The following SPOCK1 variants were observed in gnomAD, a reference collection of about 807,000 sequenced individuals.
SPOCK1 encodes the protein SPARC (osteonectin), cwcv and kazal like domains proteoglycan 1.
A neutral mutation model predicts 55.3 loss-of-function variants in SPOCK1; 23 were observed. The ratio of observed to expected loss-of-function variants is 0.42; its 90% CI spans 0.30 to 0.59. The LOEUF (loss-of-function observed/expected upper bound fraction) is 0.59. Ranked by LOEUF, SPOCK1 falls within the 20% of genes least tolerant of loss-of-function variation. The pLI is 0.22. For missense variants in SPOCK1, 499 were observed against 552.5 expected (o/e 0.90, Z 0.97); for synonymous variants, 226 against 221.0 (o/e 1.02, Z -0.20).
chr5:137,184,219 C>T (rs73304842), intron 3 of SPOCK1, among the ~76,000 whole-genome samples: 3,230 of 152,302 alleles, frequency 0.021, 121 homozygotes, highest in African/African-American at 0.073. Context: ...GGGCATACGG[C>T]TCTGTTTAAG....
At chr5:137,329,157 G>C (rs1288519638) in intron 2 of SPOCK1, among the ~76,000 whole-genome samples, 7 of 152,138 alleles carry the variant, frequency 4.6e-5, no homozygotes, top group Admixed American at 1.3e-4. Flanking sequence ...GAACAAAAAG[G>C]CTAGGGAAGA....
At chr5:137,131,481 G>T (rs906695607) in intron 4 of SPOCK1, among the ~76,000 whole-genome samples, 9 of 151,976 alleles carry the variant, frequency 5.9e-5, no homozygotes, top group African/African-American at 2.2e-4. Flanking sequence ...GGTGGCACAT[G>T]CCTGTAGTTC....
At chr5:137,475,350 A>C (rs1259032930) in intron 2 of SPOCK1, among the ~76,000 whole-genome samples, 1 of 152,190 alleles carries the variant, frequency 6.6e-6, no homozygotes, top group Non-Finnish European at 1.5e-5. Flanking sequence ...GTGACATAAC[A>C]ACCAAATTCA....
chr5:137,174,099 C>T (rs575298623), intron 3 of SPOCK1, among the ~76,000 whole-genome samples: 4 of 152,308 alleles, frequency 2.6e-5, no homozygotes, highest in Middle Eastern at 3.4e-3. Context: ...CTCTCACATA[C>T]ATTATTGTGG....
At chr5:137,298,154 T>C (rs1757523174) in intron 2 of SPOCK1, among the ~76,000 whole-genome samples, 1 of 152,174 alleles carries the variant, frequency 6.6e-6, no homozygotes, top group African/African-American at 2.4e-5. Context: ...TTAACAGTGC[T>C]ATGTGTGCAG....
chr5:137,397,855 G>T (rs923982348), intron 2 of SPOCK1, among the ~76,000 whole-genome samples: 2 of 152,024 alleles, frequency 1.3e-5, no homozygotes, highest in African/African-American at 4.8e-5. Flanking sequence ...AAGCCTTCTT[G>T]GACACACCCA....
At chr5:137,240,737 T>G (rs1013777371) in intron 3 of SPOCK1, among the ~76,000 whole-genome samples, 4 of 151,638 alleles carry the variant, frequency 2.6e-5, no homozygotes, top group Admixed American at 6.6e-5. Flanking sequence ...TTTAGAAAAA[T>G]ATAGGACTAT....
Position 137,247,708 on chromosome 5 carries a change from C to T in SPOCK1, c.232+19302G>A, listed in dbSNP as rs377655163. Among the ~76,000 whole-genome samples, 50 of 152,264 alleles carry T rather than the reference C, an allele frequency of 3.3e-4. No homozygotes were observed. The South Asian group carries it at 1.0e-2, about 30-fold the overall frequency. ...AGGTTCTACAGACTCAGTTCAAGGGCATGGCCCTGGAGTCTGGTGAGGGCT... is the reference window on the plus strand; with the variant it reads ...AGGTTCTACAGACTCAGTTCAAGGGTATGGCCCTGGAGTCTGGTGAGGGCT... On this transcript the variant is annotated intron_variant, in intron 3 of 10. Coordinates refer to ENST00000394945, the MANE Select transcript of SPOCK1 (RefSeq NM_004598.4).
intron 3 of SPOCK1, among the ~76,000 whole-genome samples, chr5:137,248,551 T>A (rs892779809): frequency 1.3e-5 from 2 of 151,386 alleles, no homozygotes; most frequent in East Asian, 3.8e-4. Flanking sequence ...TACAAAATTT[T>A]GAGATGACTG....
intron 6 of SPOCK1, among the ~76,000 whole-genome samples, chr5:137,050,301 G>GGC (rs1752177963): frequency 7.7e-6 from 1 of 129,944 alleles, no homozygotes; most frequent in Non-Finnish European, 1.7e-5. Context: ...AGATTCCGTG[G>GGC]GCGTAGGACC....
At chr5:137,423,586 C>T (rs928595834) in intron 2 of SPOCK1, among the ~76,000 whole-genome samples, 1 of 152,208 alleles carries the variant, frequency 6.6e-6, no homozygotes, top group Non-Finnish European at 1.5e-5. Context: ...CTGAGCCAGG[C>T]GCGGGATATA....
At chr5:137,290,573 A>G (rs1252644996) in intron 2 of SPOCK1, among the ~76,000 whole-genome samples, 10 of 152,222 alleles carry the variant, frequency 6.6e-5, no homozygotes, top group African/African-American at 2.4e-4. Flanking sequence ...TGGTAAGTCC[A>G]TTCTATTCAT....
chr5:137,290,916 C>T (rs191167640), intron 2 of SPOCK1, among the ~76,000 whole-genome samples: 32 of 152,282 alleles, frequency 2.1e-4, no homozygotes, highest in Admixed American at 9.2e-4. Flanking sequence ...ACATATTGAT[C>T]GCTTACTAAG....
intron 9 of SPOCK1, among the ~76,000 whole-genome samples, chr5:136,980,756 G>C (rs900634900): frequency 2.0e-5 from 3 of 152,076 alleles, no homozygotes; most frequent in East Asian, 1.9e-4. Flanking sequence ...ATATAATTTT[G>C]TTTTGGTGTT....
intron 2 of SPOCK1, among the ~76,000 whole-genome samples, chr5:137,298,666 G>A (rs565007731): frequency 2.6e-5 from 4 of 152,212 alleles, no homozygotes; most frequent in African/African-American, 9.6e-5. Flanking sequence ...ATAATTTGAA[G>A]TTCTGTTACT....
intron 2 of SPOCK1, among the ~76,000 whole-genome samples, chr5:137,471,991 G>A (rs1252983497): frequency 1.3e-5 from 2 of 152,174 alleles, no homozygotes; most frequent in African/African-American, 4.8e-5. Flanking sequence ...ACTGACAAGG[G>A]TGAGCAGAAA....
intron 3 of SPOCK1, among the ~76,000 whole-genome samples, chr5:137,191,956 C>G (rs1470435392): frequency 6.6e-6 from 1 of 152,006 alleles, no homozygotes; most frequent in Non-Finnish European, 1.5e-5. Context: ...GCGCAGTGGC[C>G]GGGTGCAGTG....
intron 3 of SPOCK1, among the ~76,000 whole-genome samples, chr5:137,254,292 T>C (rs1756593555): frequency 6.6e-6 from 1 of 152,230 alleles, no homozygotes; most frequent in African/African-American, 2.4e-5. Flanking sequence ...TGGTATTTTT[T>C]ATGGCTGTTT....
At chr5:137,491,139 G>A (rs1442952236) in intron 2 of SPOCK1, among the ~76,000 whole-genome samples, 1 of 152,174 alleles carries the variant, frequency 6.6e-6, no homozygotes, top group East Asian at 1.9e-4. Flanking sequence ...CACCATTCCA[G>A]TTTTACAGAA....
Sources: gnomAD v4.1 joint callset for allele counts (sites outside exome capture counted in the v4.1 genomes callset) on GRCh38, gnomAD v4.1.1 for gene constraint, MANE v1.5 for transcripts, NCBI Gene and HGNC (gene_info 2026-07-23, HGNC 2026-07-21) for gene names.